Variants in CRYBG1 observed in about 807,000 individuals in gnomAD.
CRYBG1 encodes crystallin beta-gamma domain containing 1, also known as beta/gamma crystallin domain-containing protein 1.
Under a neutral mutation model 189.2 loss-of-function variants are expected in CRYBG1, and 139 were observed. The ratio of observed to expected loss-of-function variants is 0.73; its 90% confidence interval spans 0.64 to 0.85. The LOEUF (loss-of-function observed/expected upper bound fraction) is 0.85, where lower values mean the gene tolerates loss of function less well. Among genes scored for constraint, CRYBG1 ranks in the 40% least tolerant of loss-of-function variants. The pLI, the probability that CRYBG1 is intolerant of heterozygous loss-of-function variation, is 0.00. For missense variants in CRYBG1, 2,611 were observed against 2,675.8 expected, an observed-to-expected ratio of 0.98 and a Z score of 0.53; for synonymous variants, 1,023 against 1,017.1, an observed-to-expected ratio of 1.01 and a Z score of -0.11.
At chr6:106,441,204 C>A (rs1771559995) in intron 1 of CRYBG1, among the ~76,000 whole-genome samples, 1 of 152,100 alleles carries the variant, frequency 6.6e-6, no homozygotes, top group Admixed American at 6.5e-5. Flanking sequence ...ATCTGTCTGA[C>A]CACAGCTGGA....
Position 106,541,647 on chromosome 6 carries a change from T to C in CRYBG1, c.4881+26T>C, listed in dbSNP as rs1774133963. ...GTAAAAATATATATGTATTTTTGTATGTATGTATATGTAATTATTTAAACA... is the reference window on the plus strand; with the variant it reads ...GTAAAAATATATATGTATTTTTGTACGTATGTATATGTAATTATTTAAACA... On this transcript the variant is annotated intron_variant, in intron 10 of 21. Transcript: ENST00000633556. The C allele has an allele frequency of 2.1e-6, 3 of 1,449,358 alleles. No homozygotes were observed. The South Asian group carries it at 3.5e-5, about 17-fold the overall frequency. 89.8% of individuals were successfully genotyped at this position (1,449,358 alleles called of 1,614,324 possible). A position where few individuals can be genotyped will look rare whatever the true frequency, so the allele number is the denominator to read the frequency against.
intron 1 of CRYBG1, among the ~76,000 whole-genome samples, chr6:106,423,251 G>GTTTTT (rs5878887): frequency 1.9e-4 from 15 of 80,858 alleles, no homozygotes; most frequent in African/African-American, 2.3e-4. Context: ...GAGTTGGCTG[G>GTTTTT]TTTTTTTTTT....
At chr6:106,502,653 G>A (rs892342008) in intron 2 of CRYBG1, among the ~76,000 whole-genome samples, 1 of 152,184 alleles carries the variant, frequency 6.6e-6, no homozygotes, top group Non-Finnish European at 1.5e-5. Flanking sequence ...CAAAGTACAG[G>A]TAGAGAAACC....
chr6:106,404,803 A>C (rs1376622443), intron 1 of CRYBG1, among the ~76,000 whole-genome samples: 4 of 152,146 alleles, frequency 2.6e-5, no homozygotes. Flanking sequence ...TCCCCAACCC[A>C]AGGGAAGCTG....
At chr6:106,425,182 T>G (rs1302085312) in intron 1 of CRYBG1, among the ~76,000 whole-genome samples, 1 of 152,150 alleles carries the variant, frequency 6.6e-6, no homozygotes, top group Non-Finnish European at 1.5e-5. Flanking sequence ...CATGCCATCT[T>G]TGCTACATTC....
At chr6:106,558,385 G>T in intron 17 of CRYBG1, 101 bp from the exon 18 acceptor site, 1 of 1,025,556 alleles carries the variant, frequency 9.8e-7, no homozygotes, top group Non-Finnish European at 1.4e-6. Context: ...GCCAAATCTA[G>T]CAGATTTTTT....
intron 6 of CRYBG1, 49 bp from the exon 7 acceptor site, chr6:106,527,256 A>T: frequency 6.6e-7 from 1 of 1,521,032 alleles, no homozygotes; most frequent in African/African-American, 1.4e-5. Flanking sequence ...AGTAATCAAA[A>T]CCTCTCTCAC....
intron 1 of CRYBG1, among the ~76,000 whole-genome samples, chr6:106,369,664 G>A (rs1769975760): frequency 6.6e-6 from 1 of 152,172 alleles, no homozygotes; most frequent in Non-Finnish European, 1.5e-5. Context: ...GAGGAAGCAT[G>A]TGCTTTATAA....
At chr6:106,494,326 T>C (rs1182070338) in intron 2 of CRYBG1, among the ~76,000 whole-genome samples, 4 of 152,222 alleles carry the variant, frequency 2.6e-5, no homozygotes, top group African/African-American at 9.6e-5. Context: ...AATGTACATA[T>C]AGTTAACACT....
chr6:106,535,684 G>T (rs568719067), intron 8 of CRYBG1, among the ~76,000 whole-genome samples: 77 of 151,500 alleles, frequency 5.1e-4, no homozygotes, highest in African/African-American at 1.8e-3. Flanking sequence ...AAATGCGTTT[G>T]ATTGTTCTGT....
chr6:106,534,105 C>T (rs11752150), intron 8 of CRYBG1, among the ~76,000 whole-genome samples: 103,948 of 152,014 alleles, frequency 0.68, 36,272 homozygotes, highest in South Asian at 0.84. Flanking sequence ...TTGAGAAACA[C>T]CACTTTCCTT....
chr6:106,535,709 T>G (rs1252086556), intron 8 of CRYBG1, among the ~76,000 whole-genome samples: 1 of 152,160 alleles, frequency 6.6e-6, no homozygotes, highest in Non-Finnish European at 1.5e-5. Context: ...TTTAAGTCTC[T>G]TTTTAAAGAT....
chr6:106,376,216 G>A (rs1770161124), intron 1 of CRYBG1, among the ~76,000 whole-genome samples: 1 of 152,084 alleles, frequency 6.6e-6, no homozygotes, highest in Non-Finnish European at 1.5e-5. Flanking sequence ...TAATTTAGAT[G>A]GCTTTTGTAT....
At chr6:106,506,292 T>G (rs1479322948) in intron 2 of CRYBG1, among the ~76,000 whole-genome samples, 1 of 152,138 alleles carries the variant, frequency 6.6e-6, no homozygotes, top group Non-Finnish European at 1.5e-5. Flanking sequence ...CAGTCCCCCA[T>G]GCTAGCTGTT....
At chr6:106,503,762 G>A (rs527825791) in intron 2 of CRYBG1, among the ~76,000 whole-genome samples, 1 of 152,210 alleles carries the variant, frequency 6.6e-6, no homozygotes, top group East Asian at 1.9e-4. Context: ...CTTTGTCTCT[G>A]TCAAAGTATA....
At chr6:106,496,371 T>C (rs1005400680) in intron 2 of CRYBG1, among the ~76,000 whole-genome samples, 17 of 152,212 alleles carry the variant, frequency 1.1e-4, no homozygotes, top group Admixed American at 5.9e-4. Context: ...TCCTTATCAT[T>C]TGATATTTTA....
At chr6:106,422,344 A>ATTTATTTTTTATTTTTTTTT (rs57640822) in intron 1 of CRYBG1, among the ~76,000 whole-genome samples, 1 of 139,928 alleles carries the variant, frequency 7.1e-6, no homozygotes, top group Admixed American at 7.3e-5. Flanking sequence ...TTATTTATTT[A>ATTTATTTTTTATTTTTTTTT]TTTTTGAGAC....
intron 2 of CRYBG1, among the ~76,000 whole-genome samples, chr6:106,476,971 C>T (rs1772345797): frequency 6.6e-6 from 1 of 152,152 alleles, no homozygotes. Context: ...TGTGAGGATA[C>T]ATGTGTTTAT....
chr6:106,495,229 G>C (rs1397298338), intron 2 of CRYBG1, among the ~76,000 whole-genome samples: 1 of 152,132 alleles, frequency 6.6e-6, no homozygotes, highest in East Asian at 1.9e-4. Flanking sequence ...TCTGGCTCTG[G>C]GAGAGAGCAG....
Sources: allele counts gnomAD v4.1 joint callset (sites outside exome capture counted in the v4.1 genomes callset), GRCh38; gene constraint gnomAD v4.1.1; transcripts MANE v1.5; gene names NCBI Gene and HGNC (gene_info 2026-07-23, HGNC 2026-07-21).